Variants in POLQ observed in about 807,000 individuals in gnomAD.
POLQ encodes DNA polymerase theta, also known as epididymis secretory sperm binding protein.
In POLQ, 233 loss-of-function variants were observed where a neutral mutation model predicts 259.2. The observed-to-expected ratio is 0.90, with a 90% CI of 0.81 to 1.00. The LOEUF (loss-of-function observed/expected upper bound fraction) is 1.00, where lower values mean the gene tolerates loss of function less well. POLQ is among the 50% of genes least tolerant of loss of function. The pLI is 0.00. For missense variants in POLQ, 2,871 were observed against 3,051.6 expected, an observed-to-expected ratio of 0.94 and a Z score of 1.39; for synonymous variants, 1,025 against 1,048.8, an observed-to-expected ratio of 0.98 and a Z score of 0.44.
rs1257121338 is a variant in POLQ at position 121,432,304 on chromosome 3, T to C, written c.7773A>G (p.Ter2591=). 1 of 1,594,762 alleles carries C rather than the reference T, an allele frequency of 6.3e-7. No homozygotes were observed. Among genetic ancestry groups the C allele is most frequent in the Non-Finnish European group, 8.5e-7 (1 of 1,172,456 alleles). The change falls in exon 30 of 30, where the codon TAA becomes TAG. Residue 2591 remains the stop codon, a stop_retained_variant. Transcript: ENST00000264233. ...SWGELKDFDV[*] is the part of the protein sequence containing the mutation. ...TGGGAGGACTTCATCAACAGCACAGTTACACATCAAAGTCCTTTAGCTCTC... is the reference window on the plus strand; with the variant it reads ...TGGGAGGACTTCATCAACAGCACAGCTACACATCAAAGTCCTTTAGCTCTC...
Position 121,487,322 on chromosome 3 carries a change from A to G in POLQ, c.5609T>C (p.Ile1870Thr). 2 of 1,588,546 alleles carry G rather than the reference A, an allele frequency of 1.3e-6. No individual in the cohort carries two copies. Among genetic ancestry groups the G allele is most frequent in the Non-Finnish European group, 8.6e-7 (1 of 1,168,804 alleles). Reference sequence around the variant, plus strand: ...CTTACCTTGCTTAAACCTACTGCCAATAGTAGCAGTTTTAGAAGATGTCAA... The same window carrying G: ...CTTACCTTGCTTAAACCTACTGCCAGTAGTAGCAGTTTTAGAAGATGTCAA... The part of the protein sequence containing the change: ...RSLTSSKTAT[I>T]GSRFKQASSP... Residue 1870 changes from isoleucine (I) to threonine (T), a missense_variant, in exon 16 of 30, where the codon ATT becomes ACT. Transcript: ENST00000264233.
At position 121,481,581 on chromosome 3, in the gene POLQ, T is replaced by C; in HGVS notation, c.6202A>G (p.Asn2068Asp). ...NQLNSLLQKE[N>D]LQDVFRKVEM... ...GAAACTTGGTTTTTACCTTGAAGGTTTTCCTTCTGCAACAAAGAGTTGAGC... is the reference window on the plus strand; with the variant it reads ...GAAACTTGGTTTTTACCTTGAAGGTCTTCCTTCTGCAACAAAGAGTTGAGC... Residue 2068 changes from asparagine to aspartate, a missense_variant, in exon 19 of 30, where the codon AAC (asparagine) becomes GAC (aspartate). Asn to Asp is a conservative substitution (Grantham distance 23). Around this residue, in one of 3 missense-constraint regions of POLQ, gnomAD observed 2,080 missense variants for 2,126.0 expected, o/e 0.98. Coordinates refer to ENST00000264233, the MANE Select transcript of POLQ (RefSeq NM_199420.4). 6.3e-7 allele frequency: 1 copy of C among 1,593,874 alleles called. No individual in the cohort carries two copies. Among genetic ancestry groups the C allele is most frequent in the Non-Finnish European group, 8.6e-7 (1 of 1,168,556 alleles).
At chr3:121,521,929 G>A (rs1185769872) in intron 8 of POLQ, 74 bp downstream of exon 8, 5 of 1,038,192 alleles carry the variant, frequency 4.8e-6, no homozygotes, top group Admixed American at 5.4e-5. Flanking sequence ...AGAAATAAAT[G>A]TACACAAATA....
At chr3:121,484,802 G>A (rs903148381) in intron 17 of POLQ, among the ~76,000 whole-genome samples, 1 of 152,158 alleles carries the variant, frequency 6.6e-6, no homozygotes, top group African/African-American at 2.4e-5. Flanking sequence ...TTGGGAGGCT[G>A]AGGCAGGAGA....
chr3:121,481,883 G>A lies in POLQ; in HGVS notation c.5971-71C>T, dbSNP rs1576411934. The A allele has an allele frequency of 1.0e-5, 14 of 1,370,702 alleles. No individual in the cohort carries two copies. In the African/African-American group the frequency reaches 1.2e-4, roughly 11 times the overall value. 84.9% of individuals were successfully genotyped at this position (1,370,702 alleles called of 1,614,324 possible). A position where few individuals can be genotyped will look rare whatever the true frequency, so the allele number is the denominator to read the frequency against. On this transcript the variant is annotated intron_variant, in intron 18 of 29. Coordinates refer to ENST00000264233, the MANE Select transcript of POLQ (RefSeq NM_199420.4). ...ACACTTATGTACCTCTAAATGAAAA[G>A]GGAAAAAAACAAAGCTCATTTCTAA...
chr3:121,474,651 A>C (rs554042194), intron 20 of POLQ, among the ~76,000 whole-genome samples: 1 of 152,342 alleles, frequency 6.6e-6, no homozygotes, highest in Admixed American at 6.5e-5. Flanking sequence ...GATGACAGAA[A>C]CAATGATCTG....
chr3:121,503,488 C>T (rs770544538), intron 12 of POLQ, among the ~76,000 whole-genome samples: 3 of 152,118 alleles, frequency 2.0e-5, no homozygotes, highest in Non-Finnish European at 4.4e-5. Flanking sequence ...CTTCAATACC[C>T]GACTTTCAAC....
intron 17 of POLQ, 48 bp from the exon 18 acceptor site, chr3:121,483,630 T>G (rs1343676699): frequency 8.1e-6 from 11 of 1,356,986 alleles, no homozygotes; most frequent in Non-Finnish European, 1.1e-5. Flanking sequence ...AGGCAAAAAT[T>G]ACATGCATTC....
In POLQ at chr3:121,436,121, C is replaced by G; in HGVS notation, c.7543+1G>C. The G allele has an allele frequency of 6.2e-7, 1 of 1,612,434 alleles. No homozygotes were observed. The highest frequency in any genetic ancestry group is 8.5e-7 in the Non-Finnish European group (1 of 1,178,590). ...AGCACAGGCCTCATCTATGAACAAA[C>G]CTGTTTGGTCACTTTGGAGCATACC... On this transcript the variant is annotated splice_donor_variant, in intron 28 of 29. Transcript: ENST00000264233. LOFTEE classifies it high-confidence loss of function.
Position 121,493,466 on chromosome 3 carries a change from G to T in POLQ, c.2522+12C>A, listed in dbSNP as rs1468394177. The T allele has an allele frequency of 1.2e-6, 2 of 1,601,844 alleles. No homozygotes were observed. Among genetic ancestry groups the T allele is most frequent in the Admixed American group, 3.4e-5 (2 of 59,362 alleles). On this transcript the variant is annotated intron_variant, in intron 15 of 29. Coordinates refer to ENST00000264233, the MANE Select transcript of POLQ (RefSeq NM_199420.4). Reference sequence around the variant, plus strand: ...ATTTCATAAGCCCATGTAGGTAAAGGTATTTTCTTACCTTTTGAAAGGCAC... The same window carrying T: ...ATTTCATAAGCCCATGTAGGTAAAGTTATTTTCTTACCTTTTGAAAGGCAC...
chr3:121,476,772 C>T, intron 19 of POLQ, 39 bp from the exon 20 acceptor site: 1 of 1,400,900 alleles, frequency 7.1e-7, no homozygotes. Flanking sequence ...AATTCATTGG[C>T]TAAGTGGCTA....
At chr3:121,442,040 T>C (rs116558467) in intron 26 of POLQ, among the ~76,000 whole-genome samples, 2,209 of 152,330 alleles carry the variant, frequency 0.015, 56 homozygotes, top group African/African-American at 0.05. Context: ...TCGTCTAGCT[T>C]CTGAGCATTG....
At chr3:121,447,685 TTTTC>T (rs1041161881) in intron 26 of POLQ, among the ~76,000 whole-genome samples, 6 of 152,362 alleles carry the variant, frequency 3.9e-5, no homozygotes, top group African/African-American at 1.4e-4. Flanking sequence ...ATTAACATCC[TTTTC>T]TTTCTAATTG....
chr3:121,436,310 A>G, intron 27 of POLQ, 35 bp from the exon 28 acceptor site: 5 of 1,607,056 alleles, frequency 3.1e-6, no homozygotes, highest in Non-Finnish European at 4.3e-6. Flanking sequence ...TCCACCAGAT[A>G]TGCCAACATG....
At chr3:121,521,934 C>G (rs2048338970) in intron 8 of POLQ, 69 bp downstream of exon 8, 1 of 1,080,524 alleles carries the variant, frequency 9.3e-7, no homozygotes. Flanking sequence ...TAAATGTACA[C>G]AAATATAAAA....
chr3:121,522,044 A>G lies in POLQ; in HGVS notation c.1214T>C (p.Leu405Ser), dbSNP rs1560106048. ...TACTCCCCATGGTACAGTTTTCTGTAATACAGAGTCCAGTCCTGAAGGCAA... is the reference window on the plus strand; with the variant it reads ...TACTCCCCATGGTACAGTTTTCTGTGATACAGAGTCCAGTCCTGAAGGCAA... ...RRLPSGLDSVLQKTVPWGVAF... is the reference protein window; with the variant it reads ...RRLPSGLDSVSQKTVPWGVAF... The change falls in exon 8 of 30, where the codon TTA (leucine) becomes TCA (serine). Residue 405 changes from leucine (L) to serine (S), a missense_variant. Physicochemically the swap from Leu to Ser is moderately radical, Grantham distance 145. Transcript: ENST00000264233. The G allele has an allele frequency of 1.2e-6, 2 of 1,603,452 alleles. No individual in the cohort carries two copies. Among genetic ancestry groups the G allele is most frequent in the East Asian group, 4.5e-5 (2 of 44,044 alleles).
intron 25 of POLQ, among the ~76,000 whole-genome samples, chr3:121,452,162 C>A (rs748354073): frequency 1.3e-5 from 2 of 152,132 alleles, no homozygotes; most frequent in African/African-American, 2.4e-5. Flanking sequence ...TGGGAGTGAC[C>A]CGATTTTCCA....
chr3:121,539,660 C>G (rs2048476881), intron 3 of POLQ, 71 bp from the exon 4 acceptor site: 2 of 1,151,470 alleles, frequency 1.7e-6, no homozygotes, highest in East Asian at 2.4e-5. Flanking sequence ...TGGTTCTATC[C>G]CAGAACATAG....
chr3:121,443,670 C>A (rs2047611507), intron 26 of POLQ, among the ~76,000 whole-genome samples: 1 of 152,114 alleles, frequency 6.6e-6, no homozygotes, highest in South Asian at 2.1e-4. Flanking sequence ...GAAATCTTTG[C>A]CCAGACTGAT....
Sources: gnomAD v4.1 joint callset for allele counts (sites outside exome capture counted in the v4.1 genomes callset) on GRCh38, gnomAD v4.1.1 for gene constraint, gnomAD v4.1.1 regional missense constraint, MANE v1.5 for transcripts, NCBI Gene and HGNC (gene_info 2026-07-23, HGNC 2026-07-21) for gene names.